The following MLPH variants were observed in gnomAD, a reference collection of about 807,000 sequenced individuals.
MLPH encodes the protein exophilin-3.
A neutral mutation model predicts 72.1 loss-of-function variants in MLPH; 51 were observed. The observed-to-expected ratio is 0.71, with a 90% CI of 0.56 to 0.89. The LOEUF (loss-of-function observed/expected upper bound fraction) is 0.89, where lower values mean the gene tolerates loss of function less well. Among genes scored for constraint, MLPH ranks in the 40% least tolerant of loss-of-function variants. The pLI, the probability that MLPH is intolerant of heterozygous loss-of-function variation, is 0.00. For missense variants in MLPH, 743 were observed against 759.9 expected, an observed-to-expected ratio of 0.98 and a Z score of 0.26; for synonymous variants, 301 against 310.1, an observed-to-expected ratio of 0.97 and a Z score of 0.31.
At chr2:237,550,665 T>C (rs2081018883) in intron 14 of MLPH, among the ~76,000 whole-genome samples, 1 of 152,188 alleles carries the variant, frequency 6.6e-6, no homozygotes, top group African/African-American at 2.4e-5. Context: ...TTCTCCTGCC[T>C]CTGCCTCCTG....
intron 9 of MLPH, among the ~76,000 whole-genome samples, chr2:237,539,339 A>G (rs2106373143): frequency 6.6e-6 from 1 of 152,342 alleles, no homozygotes. Flanking sequence ...CAGAGCCAAC[A>G]GGAATGGATA....
At chr2:237,551,838 G>T (rs1292197737) in intron 14 of MLPH, among the ~76,000 whole-genome samples, 1 of 152,150 alleles carries the variant, frequency 6.6e-6, no homozygotes, top group Non-Finnish European at 1.5e-5. Flanking sequence ...AATTAGCCAG[G>T]CATGGTGGTG....
rs1433216188 is a variant in MLPH at position 237,512,634 on chromosome 2, G to A, written c.445+1533G>A. Among the ~76,000 whole-genome samples, 3 of 152,036 alleles carry A rather than the reference G, an allele frequency of 2.0e-5. No individual in the cohort carries two copies. The highest frequency in any genetic ancestry group is 2.9e-5 in the Non-Finnish European group (2 of 68,016). ...AAATCCCACCTCCCCACACGCACAC[G>A]GCCAGCCTGGAGCCCACAGAAGGGT... On this transcript the variant is annotated intron_variant, in intron 4 of 15. Coordinates refer to ENST00000264605, the MANE Select transcript of MLPH (RefSeq NM_024101.7). The surrounding 1 kb of genome is among the most constrained non-coding windows in gnomAD (Gnocchi z 5.5).
At chr2:237,488,196 C>T (rs2106441674) in intron 1 of MLPH, among the ~76,000 whole-genome samples, 1 of 152,312 alleles carries the variant, frequency 6.6e-6, no homozygotes, top group South Asian at 2.1e-4. Flanking sequence ...ATCTTCTTCA[C>T]TTATTTCTTT....
chr2:237,499,942 C>T (rs1381949060), intron 2 of MLPH, among the ~76,000 whole-genome samples: 3 of 152,084 alleles, frequency 2.0e-5, no homozygotes, highest in Non-Finnish European at 2.9e-5. Flanking sequence ...GATGGGGTCT[C>T]TCTATGTTGT....
At position 237,526,123 on chromosome 2, in the gene MLPH, C is replaced by A. The variant is rs778464680; in HGVS notation, c.880+318C>A. 5.3e-5 allele frequency among the ~76,000 whole-genome samples: 8 copies of A among 152,226 alleles called. No individual in the cohort carries two copies. In the South Asian group the frequency reaches 6.2e-4, roughly 12 times the overall value. On this transcript the variant is annotated intron_variant, in intron 7 of 15. Coordinates refer to ENST00000264605, the MANE Select transcript of MLPH (RefSeq NM_024101.7). ...CTAGAACCACTGGTCAACCGGCCAA[C>A]CATCCTGGTCTGGGCAGGATGGGCA...
chr2:237,520,445 C>G (rs936272384), intron 6 of MLPH, among the ~76,000 whole-genome samples: 1 of 152,000 alleles, frequency 6.6e-6, no homozygotes, highest in African/African-American at 2.4e-5. Context: ...GGGGAACATA[C>G]ACTTTATTGC....
rs746139615 is a variant in MLPH, at chr2:237,533,390, C to CTTTTTTTTTTTTTTTTTT, written c.1021-1169_1021-1152dup. Among the ~76,000 whole-genome samples the CTTTTTTTTTTTTTTTTTT allele has an allele frequency of 2.4e-4, 26 of 108,008 alleles. 1 individual carries two copies. The highest frequency in any genetic ancestry group is 6.2e-4 in the South Asian group (2 of 3,230). The allele number at this position is 108,008 out of a possible 152,430, so 70.9% of individuals were successfully genotyped here. ...GGAAGTCTCTTCTCTATTTTCTTTT[C>CTTTTTTTTTTTTTTTTTT]TTTTTTTTTTTTTTTTTTTTTTGTC... On this transcript the variant is annotated intron_variant, in intron 8 of 15. Transcript: ENST00000264605.
intron 2 of MLPH, among the ~76,000 whole-genome samples, chr2:237,506,661 A>G (rs1360577053): frequency 3.9e-5 from 6 of 152,250 alleles, no homozygotes; most frequent in Non-Finnish European, 2.9e-5. Context: ...TCTGTAATCT[A>G]TAGATAACAT....
chr2:237,492,530 G>C (rs1298551797), intron 1 of MLPH, among the ~76,000 whole-genome samples: 2 of 151,916 alleles, frequency 1.3e-5, no homozygotes, highest in Non-Finnish European at 2.9e-5. Flanking sequence ...GTGAGGCCTG[G>C]CCACCAGTAG....
intron 2 of MLPH, among the ~76,000 whole-genome samples, chr2:237,506,169 A>G (rs1012483320): frequency 6.6e-6 from 1 of 152,258 alleles, no homozygotes; most frequent in African/African-American, 2.4e-5. Context: ...GGTCATATCT[A>G]TTAATATTTA....
intron 6 of MLPH, among the ~76,000 whole-genome samples, chr2:237,522,519 C>T (rs1410816033): frequency 7.4e-6 from 1 of 135,214 alleles, no homozygotes; most frequent in South Asian, 2.3e-4. Flanking sequence ...CAAACACCTG[C>T]TACAACTATA....
At chr2:237,535,730 G>A (rs750045519) in intron 9 of MLPH, among the ~76,000 whole-genome samples, 22 of 152,328 alleles carry the variant, frequency 1.4e-4, no homozygotes, top group Admixed American at 3.3e-4. Flanking sequence ...GCTCCAAAGT[G>A]GAGAATTTAA....
At chr2:237,499,482 A>G (rs1270041047) in intron 2 of MLPH, among the ~76,000 whole-genome samples, 2 of 152,154 alleles carry the variant, frequency 1.3e-5, no homozygotes, top group Non-Finnish European at 2.9e-5. Context: ...AAGTATGCTC[A>G]CCTGTTGAGC....
intron 5 of MLPH, among the ~76,000 whole-genome samples, chr2:237,519,544 G>C (rs1056265990): frequency 1.3e-5 from 2 of 152,166 alleles, no homozygotes; most frequent in Non-Finnish European, 2.9e-5. Flanking sequence ...TCGTGCCCCG[G>C]CTATCCGAAG....
intron 2 of MLPH, among the ~76,000 whole-genome samples, chr2:237,504,730 T>G (rs2079727949): frequency 6.6e-6 from 1 of 152,170 alleles, no homozygotes; most frequent in African/African-American, 2.4e-5. Context: ...TGTAGGCATC[T>G]CCTACCATCC....
intron 14 of MLPH, among the ~76,000 whole-genome samples, chr2:237,551,730 C>A (rs12620533): frequency 0.091 from 13,927 of 152,272 alleles, 734 homozygotes; most frequent in Non-Finnish European, 0.12. Context: ...ATAATTCCAG[C>A]ATTTCAGGAG....
chr2:237,490,487 C>T (rs77956735), intron 1 of MLPH, among the ~76,000 whole-genome samples: 15,543 of 152,174 alleles, frequency 0.1, 950 homozygotes, highest in Non-Finnish European at 0.14. Context: ...GCTTGCAAGA[C>T]AAGAAAAGCA....
chr2:237,518,469 G>A (rs1486788287), intron 4 of MLPH, 70 bp from the exon 5 acceptor site: 1 of 1,268,538 alleles, frequency 7.9e-7, no homozygotes, highest in Non-Finnish European at 1.1e-6. Context: ...TGGATGGGTG[G>A]ATGGGCTGAC....
Sources: allele counts gnomAD v4.1 joint callset (sites outside exome capture counted in the v4.1 genomes callset), GRCh38; gene constraint gnomAD v4.1.1; non-coding constraint Gnocchi (gnomAD v3.1); transcripts MANE v1.5; gene names NCBI Gene and HGNC (gene_info 2026-07-23, HGNC 2026-07-21).